ATF3: variants seen among roughly 807,000 people sequenced by gnomAD.
ATF3 encodes the protein activating transcription factor 3.
Under a neutral mutation model 18.4 loss-of-function variants are expected in ATF3, and 10 were observed. The ratio of observed to expected loss-of-function variants is 0.54; its 90% CI spans 0.34 to 0.92. The LOEUF (loss-of-function observed/expected upper bound fraction) is 0.92. ATF3 is among the 40% of genes least tolerant of loss of function. The probability of loss-of-function intolerance (pLI) is 0.02; values close to 1 mark genes in which losing one functional copy is unlikely to be tolerated. For synonymous variants in ATF3, 78 were observed against 87.9 expected (o/e 0.89, Z 0.63); for missense variants, 183 against 222.3 (o/e 0.82, Z 1.12).
chr1:212,615,057 G>T lies in ATF3; in HGVS notation c.36G>T (p.Ser12=). ...MLQHPGQVSA[S]EVSASAIVPC... Reference sequence around the variant, plus strand: ...AACACCCAGGCCAGGTCTCTGCCTCGGAAGTGAGTGCTTCTGCCATCGTCC... The same window carrying T: ...AACACCCAGGCCAGGTCTCTGCCTCTGAAGTGAGTGCTTCTGCCATCGTCC... The change falls in exon 2 of 4, where the codon TCG becomes TCT. Residue 12 remains serine, a synonymous_variant. Coordinates refer to ENST00000341491, the MANE Select transcript of ATF3 (RefSeq NM_001674.4). The T allele has an allele frequency of 1.2e-6, 2 of 1,614,152 alleles. No individual in the cohort carries two copies. Among genetic ancestry groups the T allele is most frequent in the Non-Finnish European group, 8.5e-7 (1 of 1,180,046 alleles).
In ATF3 at chr1:212,615,033, A is replaced by G; in HGVS notation, c.12A>G (p.Gln4=). The G allele has an allele frequency of 6.2e-7, 1 of 1,614,140 alleles. No individual in the cohort carries two copies. Residue 4 remains glutamine, a synonymous_variant, in exon 2 of 4, where the codon CAA becomes CAG. Transcript: ENST00000341491. MML[Q]HPGQVSASEV... Reference sequence around the variant, plus strand: ...TGTCTTTCAGCAAAATGATGCTTCAACACCCAGGCCAGGTCTCTGCCTCGG... The same window carrying G: ...TGTCTTTCAGCAAAATGATGCTTCAGCACCCAGGCCAGGTCTCTGCCTCGG...
At position 212,620,365 on chromosome 1, in the gene ATF3, T is replaced by C. The variant is rs571608933; in HGVS notation, c.*810T>C. On this transcript the variant is annotated 3_prime_UTR_variant, in exon 4 of 4. Coordinates refer to ENST00000341491, the MANE Select transcript of ATF3 (RefSeq NM_001674.4). ...CAAAGGGTTAGGACTCTCCACTCAA[T>C]GTCTTAGGTCAGGAGTTGTGTCTAG... 9.2e-5 allele frequency: 14 copies of C among 152,808 alleles called. No individual in the cohort carries two copies. Among genetic ancestry groups the C allele is most frequent in the African/African-American group, 3.4e-4 (14 of 41,574 alleles). 9.5% of individuals were successfully genotyped at this position (152,808 alleles called of 1,614,324 possible).
intron 1 of ATF3, among the ~76,000 whole-genome samples, chr1:212,577,365 C>A (rs1469622190): frequency 6.6e-6 from 1 of 152,102 alleles, no homozygotes; most frequent in Non-Finnish European, 1.5e-5. Context: ...CTAAATCTAG[C>A]TAATTAACGT....
chr1:212,606,981 G>A (rs570728696), upstream of ATF3, among the ~76,000 whole-genome samples: 1 of 152,160 alleles, frequency 6.6e-6, no homozygotes, highest in East Asian at 1.9e-4. Flanking sequence ...GAAAACACCC[G>A]CCCTGCACTT....
chr1:212,571,860 C>A (rs1170115369), intron 1 of ATF3, among the ~76,000 whole-genome samples: 3 of 151,916 alleles, frequency 2.0e-5, no homozygotes, highest in Non-Finnish European at 4.4e-5. Flanking sequence ...TGCAGGAGCC[C>A]GCCACCAGGC....
chr1:212,615,559 C>G (rs1422849884), intron 2 of ATF3, among the ~76,000 whole-genome samples: 1 of 151,890 alleles, frequency 6.6e-6, no homozygotes, highest in Non-Finnish European at 1.5e-5. Context: ...CTTATAATCC[C>G]AGCACTTTGA....
intron 1 of ATF3, among the ~76,000 whole-genome samples, chr1:212,580,654 C>A (rs1475882203): frequency 6.6e-6 from 1 of 152,202 alleles, no homozygotes; most frequent in African/African-American, 2.4e-5. Context: ...TCTGTGTTCA[C>A]TACTGAGGAC....
chr1:212,587,182 A>T (rs1664794715), intron 1 of ATF3, among the ~76,000 whole-genome samples: 1 of 152,234 alleles, frequency 6.6e-6, no homozygotes, highest in Non-Finnish European at 1.5e-5. Flanking sequence ...TGATGTATTT[A>T]AAAGACCGTG....
At chr1:212,609,889 C>T (rs917370762) in intron 1 of ATF3, among the ~76,000 whole-genome samples, 2 of 152,218 alleles carry the variant, frequency 1.3e-5, no homozygotes, top group Non-Finnish European at 2.9e-5. Flanking sequence ...GTACCGGCCC[C>T]CTCTGCGTGT....
At chr1:212,569,265 C>T (rs1571753240) in intron 1 of ATF3, among the ~76,000 whole-genome samples, 1 of 152,130 alleles carries the variant, frequency 6.6e-6, no homozygotes, top group Admixed American at 6.5e-5. Flanking sequence ...AAAAGTATGT[C>T]TGGAAAGAGA....
chr1:212,594,954 G>A (rs1021323839), intron 1 of ATF3, among the ~76,000 whole-genome samples: 4 of 152,170 alleles, frequency 2.6e-5, no homozygotes, highest in Non-Finnish European at 4.4e-5. Flanking sequence ...CAGCCATTCC[G>A]ATTCTAAAGA....
chr1:212,581,355 AC>A (rs1358628464), intron 1 of ATF3, among the ~76,000 whole-genome samples: 1 of 152,102 alleles, frequency 6.6e-6, no homozygotes, highest in Non-Finnish European at 1.5e-5. Flanking sequence ...GTTCCCCTGC[AC>A]CTGCTTGAGA....
chr1:212,591,339 C>T (rs1664880492), intron 1 of ATF3, among the ~76,000 whole-genome samples: 1 of 152,202 alleles, frequency 6.6e-6, no homozygotes, highest in African/African-American at 2.4e-5. Context: ...TGCCACCAGG[C>T]TCCTCTTGCA....
At position 212,589,691 on chromosome 1, in the gene ATF3, A is replaced by AG. The variant is rs551745889; in HGVS notation, c.-5+24208_-5+24209insG. On this transcript the variant is annotated intron_variant, in intron 1 of 3. Transcript: ENST00000366981. ...AGAGTGAGACACCGTCTCAAAAAAAAAAAGAAAGAAAAAGAAGAAGAAAAA... is the reference window on the plus strand; with the variant it reads ...AGAGTGAGACACCGTCTCAAAAAAAAGAAAGAAAGAAAAAGAAGAAGAAAAA... Among the ~76,000 whole-genome samples, 115 of 152,024 alleles carry AG rather than the reference A, an allele frequency of 7.6e-4. 5 individuals are homozygous for AG. In the South Asian group the frequency reaches 0.02, roughly 27 times the overall value.
At chr1:212,567,444 T>C (rs1664404977) in intron 1 of ATF3, among the ~76,000 whole-genome samples, 1 of 152,190 alleles carries the variant, frequency 6.6e-6, no homozygotes, top group African/African-American at 2.4e-5. Flanking sequence ...CCCTTCTCTC[T>C]TGTCTCTGTT....
intron 1 of ATF3, among the ~76,000 whole-genome samples, chr1:212,599,018 G>GT (rs1654402168): frequency 2.6e-5 from 4 of 152,094 alleles, no homozygotes; most frequent in Admixed American, 6.5e-5. Flanking sequence ...TCTACTTTTG[G>GT]TTTTTTGAGG....
intron 1 of ATF3, among the ~76,000 whole-genome samples, chr1:212,612,329 G>T (rs563834212): frequency 6.6e-6 from 1 of 152,172 alleles, no homozygotes; most frequent in African/African-American, 2.4e-5. Context: ...CAGACCCCAA[G>T]CCCTGAGAGC....
At chr1:212,604,716 G>A (rs1654572935), upstream of ATF3, among the ~76,000 whole-genome samples, 1 of 152,140 alleles carries the variant, frequency 6.6e-6, no homozygotes, top group South Asian at 2.1e-4. Flanking sequence ...TTGGCAGAGG[G>A]TCCCCATTCA....
chr1:212,618,887 C>G lies in ATF3; in HGVS notation c.349-471C>G. ...CATGACAGAGTCTTAGCCCAAGTCC[C>G]ACAGATCCCCAAAAGTTCTGTTGAT... On this transcript the variant is annotated intron_variant, in intron 3 of 3. Transcript: ENST00000341491. This position sits in a 1 kb window ranked among gnomAD's most constrained non-coding sequence, Gnocchi z 4.4. 1 of 925,832 alleles carries G rather than the reference C, an allele frequency of 1.1e-6. No individual in the cohort carries two copies. The highest frequency in any genetic ancestry group is 1.7e-6 in the Non-Finnish European group (1 of 595,486). 57.4% of individuals were successfully genotyped at this position (925,832 alleles called of 1,614,324 possible).
Sources: gnomAD v4.1 joint callset for allele counts (sites outside exome capture counted in the v4.1 genomes callset) on GRCh38, gnomAD v4.1.1 for gene constraint, Gnocchi (gnomAD v3.1) non-coding constraint, MANE v1.5 for transcripts, NCBI Gene and HGNC (gene_info 2026-07-23, HGNC 2026-07-21) for gene names.